Variants in SPOCK1 observed in about 807,000 individuals in gnomAD.
SPOCK1 encodes testican-1.
SPOCK1 carries 23 observed loss-of-function variants against 55.3 expected under a neutral mutation model. The observed-to-expected ratio is 0.42, with a 90% CI of 0.30 to 0.59. The LOEUF (loss-of-function observed/expected upper bound fraction) is 0.59. Among genes scored for constraint, SPOCK1 ranks in the 20% least tolerant of loss-of-function variants. The pLI is 0.22. For synonymous variants in SPOCK1, 226 were observed against 221.0 expected, an observed-to-expected ratio of 1.02 and a Z score of -0.20; for missense variants, 499 against 552.5, an observed-to-expected ratio of 0.90 and a Z score of 0.97.
chr5:137,140,840 C>T, intron 3 of SPOCK1, 146 bp from the exon 4 acceptor site: 2 of 476,766 alleles, frequency 4.2e-6, no homozygotes, highest in South Asian at 4.3e-5. Flanking sequence ...CTCACTGCAA[C>T]CTCCCCATCC....
intron 3 of SPOCK1, among the ~76,000 whole-genome samples, chr5:137,207,722 C>T (rs1262161911): frequency 6.6e-6 from 1 of 152,106 alleles, no homozygotes; most frequent in Non-Finnish European, 1.5e-5. Flanking sequence ...GTGCTAGATG[C>T]TTCTGGGGTG....
intron 3 of SPOCK1, among the ~76,000 whole-genome samples, chr5:137,171,593 T>C: frequency 6.6e-6 from 1 of 152,146 alleles, no homozygotes; most frequent in Non-Finnish European, 1.5e-5. Context: ...TATGTAGATA[T>C]CTTCAATTTA....
chr5:137,134,525 C>A (rs971622616), intron 4 of SPOCK1, among the ~76,000 whole-genome samples: 1 of 152,180 alleles, frequency 6.6e-6, no homozygotes, highest in African/African-American at 2.4e-5. Flanking sequence ...AACCCCAAAG[C>A]AATGCATGAG....
At chr5:137,488,116 C>T (rs1263429973) in intron 2 of SPOCK1, among the ~76,000 whole-genome samples, 4 of 152,144 alleles carry the variant, frequency 2.6e-5, no homozygotes, top group Non-Finnish European at 4.4e-5. Flanking sequence ...GTGGCTCACA[C>T]CTGTAACCCC....
intron 4 of SPOCK1, among the ~76,000 whole-genome samples, chr5:137,121,135 G>A (rs1753674881): frequency 6.6e-6 from 1 of 152,160 alleles, no homozygotes; most frequent in African/African-American, 2.4e-5. Context: ...GCCAGAAATT[G>A]AGCAACAAAT....
intron 2 of SPOCK1, among the ~76,000 whole-genome samples, chr5:137,434,480 C>CTTTTTTTTCTT: frequency 1.5e-5 from 1 of 68,190 alleles, no homozygotes; most frequent in Non-Finnish European, 2.6e-5. Flanking sequence ...TCTTTTTTTT[C>CTTTTTTTTCTT]TTTTTTTTTT....
At chr5:137,014,895 G>A (rs1474088646) in intron 6 of SPOCK1, among the ~76,000 whole-genome samples, 2 of 152,126 alleles carry the variant, frequency 1.3e-5, no homozygotes, top group African/African-American at 4.8e-5. Context: ...ACACGGTGGG[G>A]GTCTTGCTGA....
At chr5:137,248,143 A>G (rs1358734833) in intron 3 of SPOCK1, among the ~76,000 whole-genome samples, 2 of 152,266 alleles carry the variant, frequency 1.3e-5, no homozygotes. Flanking sequence ...AACATTAAAA[A>G]TAAAATTAAC....
intron 3 of SPOCK1, among the ~76,000 whole-genome samples, chr5:137,228,886 G>C (rs1218860393): frequency 6.6e-6 from 1 of 152,132 alleles, no homozygotes; most frequent in African/African-American, 2.4e-5. Flanking sequence ...CAGAATTTAG[G>C]AACAATCTAA....
At chr5:137,287,889 C>A (rs2127129005) in intron 2 of SPOCK1, among the ~76,000 whole-genome samples, 1 of 152,208 alleles carries the variant, frequency 6.6e-6, no homozygotes, top group Non-Finnish European at 1.5e-5. Flanking sequence ...GGGTAGAAGT[C>A]ACAAGCCATA....
At chr5:137,292,691 C>A (rs968514224) in intron 2 of SPOCK1, among the ~76,000 whole-genome samples, 2 of 152,098 alleles carry the variant, frequency 1.3e-5, no homozygotes, top group South Asian at 4.1e-4. Flanking sequence ...TCATTCCATA[C>A]AGGATTCAGC....
At chr5:137,374,827 G>A (rs1054950926) in intron 2 of SPOCK1, among the ~76,000 whole-genome samples, 8 of 152,100 alleles carry the variant, frequency 5.3e-5, no homozygotes, top group East Asian at 1.9e-4. Flanking sequence ...AGGAAAGTGA[G>A]GTTAAGTAAT....
rs554850454 is a variant in SPOCK1, at chr5:137,124,150, G to C, written c.348-11589C>G. Among the ~76,000 whole-genome samples the C allele has an allele frequency of 2.0e-5, 3 of 152,270 alleles. No individual in the cohort carries two copies. The East Asian group carries it at 5.8e-4, about 29-fold the overall frequency. On this transcript the variant is annotated intron_variant, in intron 4 of 10. Transcript: ENST00000394945. ...GAAGAAAATGGTGCAAGGAGAAACT[G>C]CTCAAGTTGGAGACCAGGTAGACTG...
At chr5:137,164,597 G>C (rs1754614815) in intron 3 of SPOCK1, among the ~76,000 whole-genome samples, 1 of 152,138 alleles carries the variant, frequency 6.6e-6, no homozygotes, top group Admixed American at 6.5e-5. Flanking sequence ...GTGAGATAGA[G>C]TACCAAGCAA....
chr5:137,062,934 TGTA>T (rs1177033872), intron 6 of SPOCK1, among the ~76,000 whole-genome samples: 7 of 152,036 alleles, frequency 4.6e-5, no homozygotes, highest in African/African-American at 1.7e-4. Flanking sequence ...AATTTAGAGA[TGTA>T]GTAAGAAATA....
At chr5:137,381,401 G>C (rs1040637646) in intron 2 of SPOCK1, among the ~76,000 whole-genome samples, 1 of 152,148 alleles carries the variant, frequency 6.6e-6, no homozygotes, top group Admixed American at 6.5e-5. Context: ...TCTGTGTGGG[G>C]GCTTCAACTC....
rs1343325747 is a variant in SPOCK1 at position 137,499,311 on chromosome 5, G to C, written c.-133C>G. ...GCCGCCGAGCGTCTGGCCGCTTTGT[G>C]AGCCCGCAGCGATGTGCTCTGCTCG... On this transcript the variant is annotated 5_prime_UTR_variant, in exon 1 of 11. Coordinates refer to ENST00000394945, the MANE Select transcript of SPOCK1 (RefSeq NM_004598.4). 1 of 151,752 alleles carries C rather than the reference G, an allele frequency of 6.6e-6. No homozygotes were observed. Among genetic ancestry groups the C allele is most frequent in the African/African-American group, 2.4e-5 (1 of 41,364 alleles). 9.4% of individuals were successfully genotyped at this position (151,752 alleles called of 1,614,324 possible). A position where few individuals can be genotyped will look rare whatever the true frequency, so the allele number is the denominator to read the frequency against.
chr5:137,003,829 T>A (rs1322964866), intron 6 of SPOCK1, among the ~76,000 whole-genome samples: 1 of 152,134 alleles, frequency 6.6e-6, no homozygotes, highest in African/African-American at 2.4e-5. Flanking sequence ...AAGCCTGGGA[T>A]TTGAGATCAG....
At chr5:137,369,168 TG>T (rs2127169847) in intron 2 of SPOCK1, among the ~76,000 whole-genome samples, 1 of 152,324 alleles carries the variant, frequency 6.6e-6, no homozygotes, top group Admixed American at 6.5e-5. Context: ...ACAAAGGCAA[TG>T]CTCCTTGATG....
Sources: allele counts gnomAD v4.1 joint callset (sites outside exome capture counted in the v4.1 genomes callset), GRCh38; gene constraint gnomAD v4.1.1; transcripts MANE v1.5; gene names NCBI Gene and HGNC (gene_info 2026-07-23, HGNC 2026-07-21).